The following TMTC2 variants were observed in gnomAD, a reference collection of about 807,000 sequenced individuals.
TMTC2 encodes the protein protein O-mannosyl-transferase TMTC2.
In TMTC2, 43 loss-of-function variants were observed where a neutral mutation model predicts 82.4. That is an observed-to-expected ratio of 0.52 (90% CI 0.41 to 0.67). The LOEUF (loss-of-function observed/expected upper bound fraction) is 0.67, where lower values mean the gene tolerates loss of function less well. Among genes scored for constraint, TMTC2 ranks in the 30% least tolerant of loss-of-function variants. The pLI, the probability that TMTC2 is intolerant of heterozygous loss-of-function variation, is 0.00. For synonymous variants in TMTC2, 408 were observed against 381.9 expected, an observed-to-expected ratio of 1.07 and a Z score of -0.80; for missense variants, 919 against 1,012.4, an observed-to-expected ratio of 0.91 and a Z score of 1.25.
chr12:82,991,861 G>A (rs1278643425), intron 8 of TMTC2, among the ~76,000 whole-genome samples: 9 of 152,176 alleles, frequency 5.9e-5, no homozygotes, highest in South Asian at 4.1e-4. Context: ...GTGTGCGCAT[G>A]CTTACTTCGT....
chr12:82,920,299 T>A (rs1274745443), intron 3 of TMTC2, among the ~76,000 whole-genome samples: 1 of 152,190 alleles, frequency 6.6e-6, no homozygotes, highest in Non-Finnish European at 1.5e-5. Context: ...TAAGTTTGAA[T>A]TTACTCTATA....
chr12:82,722,025 T>G (rs1874228647), intron 1 of TMTC2, among the ~76,000 whole-genome samples: 1 of 152,194 alleles, frequency 6.6e-6, no homozygotes, highest in African/African-American at 2.4e-5. Flanking sequence ...GATGTTTCAC[T>G]TTTGTTGGAT....
chr12:82,718,660 AT>A (rs1874014444), intron 1 of TMTC2, among the ~76,000 whole-genome samples: 4 of 152,150 alleles, frequency 2.6e-5, no homozygotes, highest in Admixed American at 2.6e-4. Context: ...TGACAGGGCC[AT>A]TTTTGCCTGC....
chr12:83,040,679 CTTTT>C (rs750327519), intron 9 of TMTC2, among the ~76,000 whole-genome samples: 2 of 124,202 alleles, frequency 1.6e-5, no homozygotes, highest in Admixed American at 1.7e-4. Context: ...CTGTCCTTTT[CTTTT>C]TTTTTTTTTT....
chr12:82,939,116 A>G (rs947220992), intron 4 of TMTC2, among the ~76,000 whole-genome samples: 17 of 151,848 alleles, frequency 1.1e-4, no homozygotes, highest in Admixed American at 7.2e-4. Flanking sequence ...TTCATTTTCC[A>G]TTTTTCTAAT....
intron 8 of TMTC2, among the ~76,000 whole-genome samples, chr12:83,008,693 G>GT (rs999266812): frequency 1.6e-4 from 24 of 152,242 alleles, no homozygotes; most frequent in African/African-American, 5.8e-4. Flanking sequence ...CATGTCTCAT[G>GT]TTTTTTTGAT....
At chr12:83,125,533 T>G (rs911541057) in intron 11 of TMTC2, among the ~76,000 whole-genome samples, 1 of 152,224 alleles carries the variant, frequency 6.6e-6, no homozygotes, top group Non-Finnish European at 1.5e-5. Flanking sequence ...AGAAATTAAG[T>G]GCATAGAAAG....
chr12:82,793,862 C>A (rs1490856498), intron 1 of TMTC2, among the ~76,000 whole-genome samples: 2 of 152,124 alleles, frequency 1.3e-5, no homozygotes, highest in Non-Finnish European at 2.9e-5. Context: ...AGATATATAA[C>A]CTCTGAACCA....
chr12:82,805,928 ACT>A (rs1255596421), intron 1 of TMTC2, among the ~76,000 whole-genome samples: 2 of 151,842 alleles, frequency 1.3e-5, no homozygotes, highest in Non-Finnish European at 2.9e-5. Context: ...GGTGCTAGAC[ACT>A]CTACTCGTTC....
At chr12:82,886,027 A>G (rs1043777825) in intron 2 of TMTC2, among the ~76,000 whole-genome samples, 1 of 152,228 alleles carries the variant, frequency 6.6e-6, no homozygotes, top group Non-Finnish European at 1.5e-5. Flanking sequence ...TCACTTATCA[A>G]TATGGACTCA....
At chr12:82,727,550 A>G (rs908827549) in intron 1 of TMTC2, among the ~76,000 whole-genome samples, 12 of 151,968 alleles carry the variant, frequency 7.9e-5, no homozygotes, top group African/African-American at 2.7e-4. Context: ...GTGAAACCCC[A>G]TCTCTAATAA....
At chr12:83,096,510 C>T (rs1283234857) in intron 11 of TMTC2, among the ~76,000 whole-genome samples, 2 of 152,178 alleles carry the variant, frequency 1.3e-5, no homozygotes, top group African/African-American at 4.8e-5. Flanking sequence ...TTGGACAGTT[C>T]CACATGGCTG....
At chr12:83,121,897 T>C (rs1037517299) in intron 11 of TMTC2, among the ~76,000 whole-genome samples, 2 of 152,048 alleles carry the variant, frequency 1.3e-5, no homozygotes, top group African/African-American at 4.8e-5. Context: ...ATTATGATTG[T>C]CCCTGCTGTG....
intron 1 of TMTC2, among the ~76,000 whole-genome samples, chr12:82,704,272 A>G (rs1375042304): frequency 1.3e-5 from 2 of 152,194 alleles, no homozygotes; most frequent in African/African-American, 4.8e-5. Context: ...TATTTATGAA[A>G]ACTGGTTGAA....
intron 9 of TMTC2, among the ~76,000 whole-genome samples, chr12:83,039,069 T>G (rs1321656483): frequency 6.6e-6 from 1 of 151,954 alleles, no homozygotes; most frequent in Admixed American, 6.6e-5. Flanking sequence ...ATAGCCGGTA[T>G]TATAGGCACC....
At chr12:82,750,783 T>C (rs1225533665) in intron 1 of TMTC2, among the ~76,000 whole-genome samples, 1 of 152,172 alleles carries the variant, frequency 6.6e-6, no homozygotes, top group African/African-American at 2.4e-5. Flanking sequence ...GCTGTATGAG[T>C]GTTATGACTT....
intron 3 of TMTC2, among the ~76,000 whole-genome samples, chr12:82,918,311 T>C (rs912915886): frequency 6.6e-6 from 1 of 152,236 alleles, no homozygotes; most frequent in African/African-American, 2.4e-5. Context: ...CGGTTTGTGA[T>C]AGATGACTGG....
intron 10 of TMTC2, among the ~76,000 whole-genome samples, chr12:83,058,387 G>T (rs1882621845): frequency 6.6e-6 from 1 of 151,792 alleles, no homozygotes; most frequent in South Asian, 2.1e-4. Context: ...GGAATTCAGG[G>T]TTTACTTCCT....
At chr12:82,730,403 A>G (rs1300540821) in intron 1 of TMTC2, among the ~76,000 whole-genome samples, 2 of 152,120 alleles carry the variant, frequency 1.3e-5, no homozygotes. Context: ...TGGAATAATA[A>G]TAAGAGTGTA....
Sources: gnomAD v4.1 joint callset for allele counts (sites outside exome capture counted in the v4.1 genomes callset) on GRCh38, gnomAD v4.1.1 for gene constraint, MANE v1.5 for transcripts, NCBI Gene and HGNC (gene_info 2026-07-23, HGNC 2026-07-21) for gene names.